FAM200B: variants seen among roughly 807,000 people sequenced by gnomAD.
FAM200B encodes protein FAM200B.
In FAM200B, 32 loss-of-function variants were observed where a neutral mutation model predicts 33.1. That is an observed-to-expected ratio of 0.97 (90% CI 0.73 to 1.30). The LOEUF (loss-of-function observed/expected upper bound fraction) is 1.30. Ranked by LOEUF, FAM200B falls within the 50% of genes most tolerant of loss-of-function variation. The pLI, the probability that FAM200B is intolerant of heterozygous loss-of-function variation, is 0.00. For missense variants in FAM200B, 741 were observed against 754.0 expected (o/e 0.98, Z 0.20); for synonymous variants, 240 against 264.8 (o/e 0.91, Z 0.91).
the FAM200B span, among the ~76,000 whole-genome samples, chr4:15,674,182 T>C: frequency 2.0e-5 from 3 of 151,412 alleles, no homozygotes; most frequent in Non-Finnish European, 4.4e-5. Context: ...AAAGAATGAT[T>C]ATGAAATATC....
Position 15,687,098 on chromosome 4 carries a change from T to C in FAM200B, c.121T>C (p.Ser41Pro). 1 of 1,549,106 alleles carries C rather than the reference T, an allele frequency of 6.5e-7. No homozygotes were observed. Among genetic ancestry groups the C allele is most frequent in the Non-Finnish European group, 8.7e-7 (1 of 1,145,888 alleles). Reference protein sequence around the residue: ...NSDNIEKNTDSNLQTSTSFEP... With the variant: ...NSDNIEKNTDPNLQTSTSFEP... ...TGACAATATTGAGAAAAATACTGAC[T>C]CCAATCTGCAAACTTCAACTTCATT... The change falls in exon 2 of 2, where the codon TCC becomes CCC. Residue 41 changes from serine to proline, a missense_variant. Transcript: ENST00000422728.
At chr4:15,639,033 G>A in the FAM200B span, among the ~76,000 whole-genome samples, 5 of 152,148 alleles carry the variant, frequency 3.3e-5, no homozygotes, top group Non-Finnish European at 7.4e-5. Flanking sequence ...GCGTGGTGGC[G>A]CATGCCTATA....
At chr4:15,641,620 G>C in the FAM200B span, 1 of 455,590 alleles carries the variant, frequency 2.2e-6, no homozygotes, top group Non-Finnish European at 4.4e-6. Flanking sequence ...CCAGTCAACA[G>C]TAGTAGGCTG....
chr4:15,658,538 G>C, the FAM200B span, among the ~76,000 whole-genome samples: 1 of 152,152 alleles, frequency 6.6e-6, no homozygotes, highest in Non-Finnish European at 1.5e-5. Context: ...GGCTTTACAA[G>C]AGGAAGAAAG....
the FAM200B span, among the ~76,000 whole-genome samples, chr4:15,675,572 A>ATTT: frequency 5.2e-5 from 5 of 96,702 alleles, no homozygotes; most frequent in Admixed American, 1.3e-4. Flanking sequence ...CAAAACTCCT[A>ATTT]TTTTTTTTTT....
At chr4:15,640,772 G>T in the FAM200B span, 25 of 1,395,428 alleles carry the variant, frequency 1.8e-5, no homozygotes, top group Non-Finnish European at 2.2e-5. Context: ...AATCACGAAA[G>T]AAAAATTATG....
chr4:15,653,479 C>G, the FAM200B span, among the ~76,000 whole-genome samples: 2 of 152,178 alleles, frequency 1.3e-5, no homozygotes, highest in African/African-American at 4.8e-5. Flanking sequence ...AGGTCACAAT[C>G]ATCTGGAAAT....
At chr4:15,667,318 G>A in the FAM200B span, among the ~76,000 whole-genome samples, 3 of 152,098 alleles carry the variant, frequency 2.0e-5, no homozygotes, top group African/African-American at 7.2e-5. Flanking sequence ...CTCAACATTT[G>A]TTAAAATTGA....
chr4:15,646,608 C>T, the FAM200B span, among the ~76,000 whole-genome samples: 1 of 152,006 alleles, frequency 6.6e-6, no homozygotes, highest in African/African-American at 2.4e-5. Context: ...AGGTTTGTTA[C>T]ATATGTATAC....
the FAM200B span, among the ~76,000 whole-genome samples, chr4:15,658,421 G>T: frequency 6.6e-6 from 1 of 152,348 alleles, no homozygotes; most frequent in East Asian, 1.9e-4. Flanking sequence ...GTATTAAGAA[G>T]TGGGGCCTTT....
At chr4:15,659,317 A>G in the FAM200B span, among the ~76,000 whole-genome samples, 1 of 152,218 alleles carries the variant, frequency 6.6e-6, no homozygotes, top group Non-Finnish European at 1.5e-5. Flanking sequence ...AGTAATATAC[A>G]TATATGGTTT....
At chr4:15,655,520 C>T in the FAM200B span, 3 of 335,966 alleles carry the variant, frequency 8.9e-6, no homozygotes, top group African/African-American at 2.2e-5. Context: ...CTCCCGCCCC[C>T]ACTCTTTTCG....
Position 15,688,770 on chromosome 4 carries a change from GTGTCCTGCTATTGCTACCATTCACAA to G in FAM200B, c.1794_1819del (p.Val599AsnfsTer2). 1 of 1,551,142 alleles carries G rather than the reference GTGTCCTGCTATTGCTACCATTCACAA, an allele frequency of 6.4e-7. No homozygotes were observed. Among genetic ancestry groups the G allele is most frequent in the Non-Finnish European group, 8.7e-7 (1 of 1,146,572 alleles). On this transcript the variant is annotated frameshift_variant, in exon 2 of 2. Transcript: ENST00000422728. LOFTEE classifies it high-confidence loss of function. ...GACTTTCCATTGTTAAGTAGAAAGA[GTGTCCTGCTATTGCTACCATTCACAA>G]CAACTAGTTTGTGTGAACTAGGGTT...
At chr4:15,638,832 C>CT in the FAM200B span, 1 of 577,234 alleles carries the variant, frequency 1.7e-6, no homozygotes, top group Non-Finnish European at 2.9e-6. Context: ...GCTGTCACCA[C>CT]TGAGTTAGTT....
At chr4:15,672,087 G>A in the FAM200B span, among the ~76,000 whole-genome samples, 1 of 152,112 alleles carries the variant, frequency 6.6e-6, no homozygotes, top group Admixed American at 6.5e-5. Flanking sequence ...ATCTTCTTGA[G>A]CTTTGTTCTA....
chr4:15,650,172 A>G, the FAM200B span, among the ~76,000 whole-genome samples: 1 of 152,220 alleles, frequency 6.6e-6, no homozygotes, highest in Non-Finnish European at 1.5e-5. Context: ...GGATGTGGCT[A>G]AACATCCTAC....
At chr4:15,661,264 G>C in the FAM200B span, among the ~76,000 whole-genome samples, 1 of 152,164 alleles carries the variant, frequency 6.6e-6, no homozygotes, top group Non-Finnish European at 1.5e-5. Flanking sequence ...TAATTGCACT[G>C]TTTTAAAAGT....
chr4:15,673,740 C>A, the FAM200B span, among the ~76,000 whole-genome samples: 1 of 152,164 alleles, frequency 6.6e-6, no homozygotes, highest in African/African-American at 2.4e-5. Flanking sequence ...CACTAGAATT[C>A]TCTCTCTATG....
chr4:15,685,067 AG>A (rs1204800295), intron 1 of FAM200B: 1 of 151,880 alleles, frequency 6.6e-6, no homozygotes, highest in Non-Finnish European at 1.5e-5. Context: ...TTGTATTAAA[AG>A]GTATAAAACC....
Sources: gnomAD v4.1 joint callset for allele counts (sites outside exome capture counted in the v4.1 genomes callset) on GRCh38, gnomAD v4.1.1 for gene constraint, MANE v1.5 for transcripts, NCBI Gene and HGNC (gene_info 2026-07-23, HGNC 2026-07-21) for gene names.